Variants in EMX2 observed in about 807,000 individuals in gnomAD.
EMX2 encodes empty spiracles homeobox 2.
Under a neutral mutation model 23.0 loss-of-function variants are expected in EMX2, and 6 were observed. The observed-to-expected ratio is 0.26, with a 90% CI of 0.14 to 0.52. The LOEUF is 0.52. Ranked by LOEUF, EMX2 falls within the 20% of genes least tolerant of loss-of-function variation. EMX2 has a pLI of 0.97. For missense variants in EMX2, 302 were observed against 341.4 expected (o/e 0.88, Z 0.91); for synonymous variants, 175 against 153.3 (o/e 1.14, Z -1.04).
In EMX2 at chr10:117,545,566, G is replaced by T. The variant is rs1382732302; in HGVS notation, c.407-66G>T. 5 of 1,600,896 alleles carry T rather than the reference G, an allele frequency of 3.1e-6. No homozygotes were observed. The Admixed American group carries it at 5.1e-5, about 16-fold the overall frequency. The stretch of plus-strand genomic sequence containing the variant: ...GCACGGTGCCGGGCCAGCCCGGCTC[G>T]GGAGAAGTGCGCGGCTCCGGTCAGA... On this transcript the variant is annotated intron_variant, in intron 1 of 2. Transcript: ENST00000553456.
rs1001031216 is a variant in EMX2, at chr10:117,548,752, C to T, written c.*520C>T. 2 of 405,518 alleles carry T rather than the reference C, an allele frequency of 4.9e-6. No individual in the cohort carries two copies. Among genetic ancestry groups the T allele is most frequent in the African/African-American group, 4.1e-5 (2 of 48,584 alleles). 25.1% of individuals were successfully genotyped at this position (405,518 alleles called of 1,614,324 possible). On this transcript the variant is annotated 3_prime_UTR_variant, in exon 3 of 3. Transcript: ENST00000553456. ...TTTTTGCACTTCGCTGTGTTTCCCC[C>T]CCATCTTTAAAAATAATTAGTAATA...
At chr10:117,545,956 G>C in intron 2 of EMX2, 140 bp downstream of exon 2, 1 of 1,207,286 alleles carries the variant, frequency 8.3e-7, no homozygotes, top group South Asian at 1.4e-5. Context: ...GCCTGGGCTC[G>C]GGATGTATGT....
Position 117,548,299 on chromosome 10 carries a change from G to GA in EMX2, c.*73dup, listed in dbSNP as rs1054890324. The GA allele has an allele frequency of 3.8e-6, 6 of 1,580,848 alleles. No individual in the cohort carries two copies. The highest frequency in any genetic ancestry group is 1.2e-5 in the South Asian group (1 of 86,832). ...AAAGAGACAGGGAGAGGTGGAGAAG[G>GA]AAAAAACCCTACAAAACAAAAACAA... On this transcript the variant is annotated 3_prime_UTR_variant, in exon 3 of 3. Coordinates refer to ENST00000553456, the MANE Select transcript of EMX2 (RefSeq NM_004098.4).
chr10:117,547,555 G>C (rs962697761), intron 2 of EMX2, among the ~76,000 whole-genome samples: 1 of 152,156 alleles, frequency 6.6e-6, no homozygotes, highest in Non-Finnish European at 1.5e-5. Context: ...GCCACGAAGA[G>C]GAGACGCTAT....
chr10:117,545,923 C>T lies in EMX2; in HGVS notation c.591+107C>T, dbSNP rs900210887. ...CGGAGCTCTGTGAGGGCCTTCCGCACAGGTCCTGGTAGCTGGTTCCACGCC... is the reference window on the plus strand; with the variant it reads ...CGGAGCTCTGTGAGGGCCTTCCGCATAGGTCCTGGTAGCTGGTTCCACGCC... On this transcript the variant is annotated intron_variant, in intron 2 of 2. Coordinates refer to ENST00000553456, the MANE Select transcript of EMX2 (RefSeq NM_004098.4). The T allele has an allele frequency of 2.0e-5, 29 of 1,481,558 alleles. No individual in the cohort carries two copies. In the Middle Eastern group the frequency reaches 8.2e-4, roughly 42 times the overall value. The allele number at this position is 1,481,558 out of a possible 1,614,324, so 91.8% of individuals were successfully genotyped here. A position where few individuals can be genotyped will look rare whatever the true frequency, so the allele number is the denominator to read the frequency against.
At chr10:117,548,012 A>C in intron 2 of EMX2, 53 bp from the exon 3 acceptor site, 1 of 1,566,536 alleles carries the variant, frequency 6.4e-7, no homozygotes, top group South Asian at 1.2e-5. Context: ...CAGGCACTTG[A>C]TAGAAGGGTG....
At position 117,545,812 on chromosome 10, in the gene EMX2, C is replaced by T; in HGVS notation, c.587C>T (p.Thr196Ile). 6.2e-7 allele frequency: 1 copy of T among 1,613,846 alleles called. No individual in the cohort carries two copies. The highest frequency in any genetic ancestry group is 1.6e-4 in the Middle Eastern group (1 of 6,062). ...GCACACAGCCTCAGCCTCACGGAAA[C>T]TCAGGTGACTGCGGCCCGGGCGCGA... ...QLAHSLSLTE[T>I]QVKVWFQNRR... is the part of the protein sequence containing the mutation. The change falls in exon 2 of 3, where the codon ACT becomes ATT. Residue 196 changes from threonine (T) to isoleucine (I), a missense_variant. Physicochemically the swap from Thr to Ile is moderately conservative, Grantham distance 89. Around this residue, in one of 4 missense-constraint regions of EMX2, gnomAD observed 37 missense variants for 69.1 expected, o/e 0.54. Coordinates refer to ENST00000553456, the MANE Select transcript of EMX2 (RefSeq NM_004098.4).
intron 1 of EMX2, 80 bp from the exon 2 acceptor site, chr10:117,545,552 G>A (rs1286655413): frequency 4.2e-5 from 66 of 1,580,364 alleles, no homozygotes; most frequent in Non-Finnish European, 5.4e-5. Context: ...CACGGTGCCG[G>A]GCCAGCCCGG....
intron 2 of EMX2, among the ~76,000 whole-genome samples, chr10:117,547,210 C>G (rs1469761035): frequency 6.6e-6 from 1 of 152,174 alleles, no homozygotes; most frequent in African/African-American, 2.4e-5. Context: ...GGGCCTCCAG[C>G]CCCACCCTGG....
chr10:117,547,433 T>C (rs1453500920), intron 2 of EMX2, among the ~76,000 whole-genome samples: 1 of 152,118 alleles, frequency 6.6e-6, no homozygotes, highest in Non-Finnish European at 1.5e-5. Context: ...GCCTACACAC[T>C]CCATGTCCCT....
At chr10:117,547,939 T>A in intron 2 of EMX2, 126 bp from the exon 3 acceptor site, 1 of 1,373,904 alleles carries the variant, frequency 7.3e-7, no homozygotes, top group Admixed American at 2.0e-5. Context: ...ACCTTAGGAC[T>A]TGCATCTCGG....
chr10:117,543,512 C>T lies in EMX2; in HGVS notation c.245C>T (p.Ala82Val), dbSNP rs1846526678. The change falls in exon 1 of 3, where the codon GCC (alanine) becomes GTC (valine). Residue 82 changes from alanine to valine, a missense_variant. Physicochemically the swap from Ala to Val is moderately conservative, Grantham distance 64. This residue lies in a region of EMX2 where 221 missense variants were observed against 206.8 expected (regional missense o/e 1.07). Coordinates refer to ENST00000553456, the MANE Select transcript of EMX2 (RefSeq NM_004098.4). ...AEAVSHPPNP[A>V]VPVHPVPPPH... is the part of the protein sequence containing the mutation. ...GCGGTCTCGCACCCGCCCAACCCCG[C>T]CGTGCCAGTGCACCCGGTGCCGCCG... 6.2e-7 allele frequency: 1 copy of T among 1,610,248 alleles called. No homozygotes were observed.
intron 2 of EMX2, among the ~76,000 whole-genome samples, chr10:117,547,792 T>C (rs925390796): frequency 1.3e-5 from 2 of 152,166 alleles, no homozygotes; most frequent in African/African-American, 4.8e-5. Flanking sequence ...CCAGGAGAGA[T>C]GGGGCTCAGT....
chr10:117,546,071 G>C (rs928548481), intron 2 of EMX2, among the ~76,000 whole-genome samples: 3 of 152,236 alleles, frequency 2.0e-5, no homozygotes, highest in African/African-American at 7.2e-5. Context: ...AGTTGGGCAT[G>C]TCCTGGCTAA....
At position 117,543,836 on chromosome 10, in the gene EMX2, G is replaced by T. The variant is rs796837297; in HGVS notation, c.406+163G>T. ...ACTAGGCGGCGCGGGGCCGGGCGTG[G>T]TGTCGATCCCCAGTCTCCGAAGCTA... On this transcript the variant is annotated intron_variant, in intron 1 of 2. Transcript: ENST00000553456. Among the ~76,000 whole-genome samples, 9 of 152,382 alleles carry T rather than the reference G, an allele frequency of 5.9e-5. 1 individual carries two copies. Among genetic ancestry groups the T allele is most frequent in the African/African-American group, 1.9e-4 (8 of 41,598 alleles).
chr10:117,546,126 AC>A (rs11344958), intron 2 of EMX2, among the ~76,000 whole-genome samples: 152,270 of 152,270 alleles, frequency 1, 76,135 homozygotes, highest in Non-Finnish European at 1. Flanking sequence ...GAGTGTGAAG[AC>A]CCCTGCTGGG....
intron 2 of EMX2, among the ~76,000 whole-genome samples, chr10:117,546,855 T>C (rs1846585685): frequency 6.6e-6 from 1 of 152,238 alleles, no homozygotes; most frequent in Non-Finnish European, 1.5e-5. Context: ...CCCGCTCAGC[T>C]TTTTTCATGG....
Position 117,548,500 on chromosome 10 carries a change from G to A in EMX2, c.*268G>A. The A allele has an allele frequency of 1.7e-6, 1 of 594,428 alleles. No individual in the cohort carries two copies. Among genetic ancestry groups the A allele is most frequent in the South Asian group, 2.1e-5 (1 of 47,352 alleles). The allele number at this position is 594,428 out of a possible 1,614,324, so 36.8% of individuals were successfully genotyped here. On this transcript the variant is annotated 3_prime_UTR_variant, in exon 3 of 3. Coordinates refer to ENST00000553456, the MANE Select transcript of EMX2 (RefSeq NM_004098.4). ...CGTCTAAAGAGGCAGCTGAGTGAGA[G>A]ACACAGAGAGAAGGAGAAAGAGGGA... is the stretch of plus-strand genomic sequence containing the variant.
chr10:117,543,521 T>A lies in EMX2; in HGVS notation c.254T>A (p.Val85Glu). The A allele has an allele frequency of 1.9e-6, 3 of 1,606,004 alleles. No individual in the cohort carries two copies. Among genetic ancestry groups the A allele is most frequent in the Non-Finnish European group, 1.7e-6 (2 of 1,176,980 alleles). Residue 85 changes from valine to glutamate, a missense_variant, in exon 1 of 3, where the codon GTG (valine) becomes GAG (glutamate). Transcript: ENST00000553456. ...CACCCGCCCAACCCCGCCGTGCCAG[T>A]GCACCCGGTGCCGCCGCCGCACGCC... Reference protein sequence around the residue: ...VSHPPNPAVPVHPVPPPHALA... With the variant: ...VSHPPNPAVPEHPVPPPHALA...
Sources: gnomAD v4.1 joint callset for allele counts (sites outside exome capture counted in the v4.1 genomes callset) on GRCh38, gnomAD v4.1.1 for gene constraint, gnomAD v4.1.1 regional missense constraint, MANE v1.5 for transcripts, NCBI Gene and HGNC (gene_info 2026-07-23, HGNC 2026-07-21) for gene names.